The following PDE7B variants were observed in gnomAD, a reference collection of about 807,000 sequenced individuals.
The protein encoded by PDE7B is 3',5'-cyclic-AMP phosphodiesterase 7B.
A neutral mutation model predicts 56.2 loss-of-function variants in PDE7B; 29 were observed. The ratio of observed to expected loss-of-function variants is 0.52; its 90% CI spans 0.38 to 0.70. The LOEUF (loss-of-function observed/expected upper bound fraction) is 0.70. PDE7B is among the 30% of genes least tolerant of loss of function. The pLI is 0.00. For synonymous variants in PDE7B, 197 were observed against 196.9 expected (o/e 1.00, Z 0.00); for missense variants, 490 against 565.0 (o/e 0.87, Z 1.35).
chr6:135,900,625 A>G (rs1036515908), intron 1 of PDE7B, among the ~76,000 whole-genome samples: 1 of 151,852 alleles, frequency 6.6e-6, no homozygotes, highest in Non-Finnish European at 1.5e-5. Context: ...CATGAAAGGC[A>G]TGTCTACTTG....
rs1172372349 is a variant in PDE7B, at chr6:136,155,700, C to T, written c.653C>T (p.Pro218Leu). Residue 218 changes from proline (P) to leucine (L), a missense_variant, in exon 8 of 13, where the codon CCA becomes CTA. Transcript: ENST00000308191. Reference sequence around the variant, plus strand: ...GCAGCAGCACACGATGTGGACCACCCAGGGGTGAACCAGCCATTTTTGATA... The same window carrying T: ...GCAGCAGCACACGATGTGGACCACCTAGGGGTGAACCAGCCATTTTTGATA... ...LAAAAHDVDH[P>L]GVNQPFLIKT... 1 of 1,613,888 alleles carries T rather than the reference C, an allele frequency of 6.2e-7. No homozygotes were observed. Among genetic ancestry groups the T allele is most frequent in the Non-Finnish European group, 8.5e-7 (1 of 1,179,908 alleles).
rs138193539 is a variant in PDE7B, at chr6:135,884,579, C to T, written c.21+32560C>T. 2.3e-3 allele frequency among the ~76,000 whole-genome samples: 348 copies of T among 152,246 alleles called. 1 individual carries two copies. The highest frequency in any genetic ancestry group is 8.0e-3 in the African/African-American group (334 of 41,548). On this transcript the variant is annotated intron_variant, in intron 1 of 12. Coordinates refer to ENST00000308191, the MANE Select transcript of PDE7B (RefSeq NM_018945.4). ...CACTAGCATCCTGTACACCAAATCC[C>T]ATAACACTTGCTGGTCTTATTCTCT... is the stretch of plus-strand genomic sequence containing the variant.
chr6:135,984,839 C>T (rs1775350293), intron 2 of PDE7B, among the ~76,000 whole-genome samples: 1 of 152,024 alleles, frequency 6.6e-6, no homozygotes, highest in African/African-American at 2.4e-5. Context: ...TATACAGAGT[C>T]TGCACACGGG....
At chr6:135,949,315 G>C (rs112381166) in intron 2 of PDE7B, among the ~76,000 whole-genome samples, 2,020 of 152,102 alleles carry the variant, frequency 0.013, 55 homozygotes, top group African/African-American at 0.045. Flanking sequence ...AGAACAGTAA[G>C]AGACTTTCTA....
intron 8 of PDE7B, among the ~76,000 whole-genome samples, chr6:136,162,611 C>G (rs1778724851): frequency 6.6e-6 from 1 of 152,160 alleles, no homozygotes; most frequent in South Asian, 2.1e-4. Context: ...CCAACATTCC[C>G]CAAAGTTTTA....
intron 2 of PDE7B, among the ~76,000 whole-genome samples, chr6:135,953,257 GT>G (rs1438654597): frequency 2.0e-5 from 3 of 151,894 alleles, no homozygotes; most frequent in East Asian, 3.8e-4. Flanking sequence ...TCAGCTTTTG[GT>G]TTTTGCATGT....
intron 1 of PDE7B, among the ~76,000 whole-genome samples, chr6:135,914,799 TA>T (rs201642893): frequency 2.1e-4 from 30 of 143,986 alleles, no homozygotes; most frequent in African/African-American, 7.5e-4. Context: ...ATAATGCTTT[TA>T]AGACTCATTC....
intron 8 of PDE7B, among the ~76,000 whole-genome samples, chr6:136,161,857 G>A (rs1383380487): frequency 6.6e-6 from 1 of 152,178 alleles, no homozygotes. Flanking sequence ...ATGGCACAAA[G>A]ATGAATACAA....
intron 1 of PDE7B, among the ~76,000 whole-genome samples, chr6:135,882,403 G>T (rs539236740): frequency 6.6e-6 from 1 of 151,992 alleles, no homozygotes; most frequent in South Asian, 2.1e-4. Context: ...CTGCTTCCTG[G>T]CTCTCCCCTT....
intron 1 of PDE7B, among the ~76,000 whole-genome samples, chr6:135,895,286 C>T (rs1775878682): frequency 6.6e-6 from 1 of 152,132 alleles, no homozygotes; most frequent in African/African-American, 2.4e-5. Context: ...AAGTTAAGGA[C>T]TTCATTTTCA....
chr6:136,029,247 AC>A (rs1776199507), intron 2 of PDE7B, among the ~76,000 whole-genome samples: 1 of 152,222 alleles, frequency 6.6e-6, no homozygotes, highest in African/African-American at 2.4e-5. Context: ...CTTGAAAAAC[AC>A]AATTTAATAG....
chr6:135,880,621 C>G lies in PDE7B; in HGVS notation c.21+28602C>G, dbSNP rs568799826. 3.3e-5 allele frequency among the ~76,000 whole-genome samples: 5 copies of G among 152,294 alleles called. No homozygotes were observed. In the South Asian group the frequency reaches 1.0e-3, roughly 32 times the overall value. Reference sequence around the variant, plus strand: ...CATGAATATAAAGAAGTAAATTTGTCTTCATTCCCCTGTCCTGGGACTTAA... The same window carrying G: ...CATGAATATAAAGAAGTAAATTTGTGTTCATTCCCCTGTCCTGGGACTTAA... On this transcript the variant is annotated intron_variant, in intron 1 of 12. Transcript: ENST00000308191.
At chr6:136,058,277 A>G (rs917872487) in intron 2 of PDE7B, among the ~76,000 whole-genome samples, 6 of 152,198 alleles carry the variant, frequency 3.9e-5, no homozygotes, top group Non-Finnish European at 8.8e-5. Flanking sequence ...AAGAAAAACC[A>G]TTAGATATCC....
chr6:135,881,750 C>T (rs1053938389), intron 1 of PDE7B, among the ~76,000 whole-genome samples: 1 of 152,182 alleles, frequency 6.6e-6, no homozygotes, highest in South Asian at 2.1e-4. Flanking sequence ...AGATTATTTC[C>T]TCTCTTTCTC....
At chr6:136,061,851 A>G (rs948117664) in intron 2 of PDE7B, among the ~76,000 whole-genome samples, 1 of 152,236 alleles carries the variant, frequency 6.6e-6, no homozygotes, top group Admixed American at 6.5e-5. Flanking sequence ...CTCTTGCTAC[A>G]TATGTGATTT....
chr6:136,066,817 A>G (rs902321378), intron 2 of PDE7B, among the ~76,000 whole-genome samples: 13 of 152,036 alleles, frequency 8.6e-5, no homozygotes, highest in Non-Finnish European at 1.9e-4. Context: ...ATCCTTATCA[A>G]TGACTCCCTG....
chr6:135,995,990 GGA>G (rs1350737571), intron 2 of PDE7B, among the ~76,000 whole-genome samples: 1 of 152,048 alleles, frequency 6.6e-6, no homozygotes, highest in African/African-American at 2.4e-5. Context: ...ACACAGAGAA[GGA>G]GAGAGAGTTG....
intron 2 of PDE7B, among the ~76,000 whole-genome samples, chr6:135,995,186 G>T (rs932578148): frequency 2.0e-5 from 3 of 151,908 alleles, no homozygotes; most frequent in Non-Finnish European, 2.9e-5. Flanking sequence ...CCAAGTTCAT[G>T]TCCCAAACCT....
At chr6:135,928,379 A>G (rs1237262878) in intron 1 of PDE7B, among the ~76,000 whole-genome samples, 1 of 146,852 alleles carries the variant, frequency 6.8e-6, no homozygotes, top group Non-Finnish European at 1.5e-5. Flanking sequence ...GCAAAGATAC[A>G]GAATCAACCT....
Sources: gnomAD v4.1 joint callset for allele counts (sites outside exome capture counted in the v4.1 genomes callset) on GRCh38, gnomAD v4.1.1 for gene constraint, MANE v1.5 for transcripts, NCBI Gene and HGNC (gene_info 2026-07-23, HGNC 2026-07-21) for gene names.